Variants in DRICH1 observed in about 807,000 individuals in gnomAD.
The protein encoded by DRICH1 is aspartate rich 1, also known as aspartate-rich protein 1.
A neutral mutation model predicts 39.5 loss-of-function variants in DRICH1; 38 were observed. That is an observed-to-expected ratio of 0.96 (90% CI 0.74 to 1.26). The LOEUF (loss-of-function observed/expected upper bound fraction) is 1.26, where lower values mean the gene tolerates loss of function less well. Ranked by LOEUF, DRICH1 falls within the 50% of genes most tolerant of loss-of-function variation. The pLI is 0.00. For synonymous variants in DRICH1, 84 were observed against 99.5 expected (o/e 0.84, Z 0.93); for missense variants, 279 against 270.4 (o/e 1.03, Z -0.22).
At chr22:23,627,094 C>T (rs535476754) in intron 1 of DRICH1, among the ~76,000 whole-genome samples, 44 of 130,532 alleles carry the variant, frequency 3.4e-4, no homozygotes, top group Admixed American at 3.3e-3. Flanking sequence ...TTTTTTGAGA[C>T]GGAGTTTCAC....
chr22:23,616,310 A>G (rs2123772117), intron 8 of DRICH1, among the ~76,000 whole-genome samples: 2 of 152,346 alleles, frequency 1.3e-5, no homozygotes, highest in Middle Eastern at 3.4e-3. Flanking sequence ...TCATCTGTAA[A>G]TAATAAAGTA....
At chr22:23,597,120 A>C in the DRICH1 span, among the ~76,000 whole-genome samples, 1 of 136,852 alleles carries the variant, frequency 7.3e-6, no homozygotes, top group Admixed American at 7.2e-5. Flanking sequence ...AATAACTTTC[A>C]TTGACTGACC....
At chr22:23,597,502 C>A in the DRICH1 span, among the ~76,000 whole-genome samples, 489 of 106,006 alleles carry the variant, frequency 4.6e-3, 1 homozygote, top group Admixed American at 5.6e-3. Flanking sequence ...GACCCTGTCT[C>A]AAAAAAAAAA....
chr22:23,632,389 A>G, upstream of DRICH1: 1 of 302,284 alleles, frequency 3.3e-6, no homozygotes. Context: ...TTACCAGGAA[A>G]CAGCCAGGTC....
At chr22:23,613,704 T>C in intron 9 of DRICH1, 44 bp from the exon 10 acceptor site, 1 of 1,441,666 alleles carries the variant, frequency 6.9e-7, no homozygotes, top group African/African-American at 1.4e-5. Context: ...CAGATTCTGC[T>C]GTGCGCTTCA....
downstream of DRICH1, among the ~76,000 whole-genome samples, chr22:23,607,538 C>CA (rs776910192): frequency 1.7e-4 from 25 of 147,522 alleles, no homozygotes; most frequent in South Asian, 6.5e-4. Flanking sequence ...CTGGCGGGGG[C>CA]GGGGGGGGGC....
At chr22:23,628,838 C>G (rs749497029) in intron 1 of DRICH1, among the ~76,000 whole-genome samples, 1 of 152,076 alleles carries the variant, frequency 6.6e-6, no homozygotes, top group African/African-American at 2.4e-5. Flanking sequence ...CCAGTGTCAA[C>G]GGCCATCATC....
the DRICH1 span, among the ~76,000 whole-genome samples, chr22:23,582,005 A>G: frequency 2.0e-5 from 3 of 148,652 alleles, no homozygotes; most frequent in Non-Finnish European, 4.5e-5. Flanking sequence ...CTTTTTTCAG[A>G]GTCTTGCTCT....
chr22:23,581,979 C>T, the DRICH1 span, among the ~76,000 whole-genome samples: 1 of 151,796 alleles, frequency 6.6e-6, no homozygotes, highest in East Asian at 1.9e-4. Context: ...TCACCACCAT[C>T]CATTTCTAGA....
chr22:23,625,214 T>C (rs944886813), intron 2 of DRICH1, among the ~76,000 whole-genome samples: 5 of 152,180 alleles, frequency 3.3e-5, no homozygotes, highest in African/African-American at 7.2e-5. Flanking sequence ...AACATCCTAG[T>C]GTGTCATGTA....
At chr22:23,599,047 C>T in the DRICH1 span, among the ~76,000 whole-genome samples, 7 of 152,246 alleles carry the variant, frequency 4.6e-5, no homozygotes, top group African/African-American at 1.7e-4. Context: ...CCACAGAATC[C>T]ATGAGTGGCT....
chr22:23,588,727 G>A, the DRICH1 span, among the ~76,000 whole-genome samples: 43,863 of 152,004 alleles, frequency 0.29, 6,735 homozygotes, highest in East Asian at 0.35. Flanking sequence ...GCCTCCAACC[G>A]AACAGGCCTG....
intron 11 of DRICH1, among the ~76,000 whole-genome samples, chr22:23,612,713 A>G (rs1029756609): frequency 2.0e-5 from 3 of 152,106 alleles, no homozygotes; most frequent in Admixed American, 2.0e-4. Context: ...CTCCCCTCAA[A>G]GGAGACTGGA....
chr22:23,594,981 C>T, the DRICH1 span, among the ~76,000 whole-genome samples: 15 of 146,858 alleles, frequency 1.0e-4, no homozygotes, highest in Non-Finnish European at 2.0e-4. Flanking sequence ...CCCAGGAAAC[C>T]CTAACTGGGG....
chr22:23,617,079 T>G (rs1927399495), intron 7 of DRICH1, among the ~76,000 whole-genome samples: 2 of 152,218 alleles, frequency 1.3e-5, no homozygotes. Flanking sequence ...GAAGTTGATT[T>G]AGATTGGTAA....
chr22:23,590,058 T>G, the DRICH1 span, among the ~76,000 whole-genome samples: 1 of 152,078 alleles, frequency 6.6e-6, no homozygotes, highest in Non-Finnish European at 1.5e-5. Context: ...CTTGTGGAAT[T>G]GGTCGAAGGT....
chr22:23,582,721 T>C, the DRICH1 span, among the ~76,000 whole-genome samples: 12 of 151,888 alleles, frequency 7.9e-5, no homozygotes, highest in Non-Finnish European at 1.6e-4. Flanking sequence ...CCCGCCATCA[T>C]GCTAAATTTT....
Position 23,632,098 on chromosome 22 carries a change from C to T in DRICH1, c.-75G>A, listed in dbSNP as rs1921000521. On this transcript the variant is annotated 5_prime_UTR_variant, in exon 1 of 12. The change creates a new upstream start codon in the 5' untranslated region. Coordinates refer to ENST00000317749, the MANE Select transcript of DRICH1 (RefSeq NM_016449.4). Reference sequence around the variant, plus strand: ...TAACTGTGCTGCCCTAGCAGCCACACTACTGAGGGTGGCCCTGCACTTTTA... The same window carrying T: ...TAACTGTGCTGCCCTAGCAGCCACATTACTGAGGGTGGCCCTGCACTTTTA... The T allele has an allele frequency of 3.8e-6, 6 of 1,590,300 alleles. No individual in the cohort carries two copies. Among genetic ancestry groups the T allele is most frequent in the Non-Finnish European group, 5.1e-6 (6 of 1,167,990 alleles).
chr22:23,613,377 A>C, intron 10 of DRICH1, 47 bp from the exon 11 acceptor site: 2 of 1,477,378 alleles, frequency 1.4e-6, no homozygotes, highest in Non-Finnish European at 1.9e-6. Context: ...AGAGTGACTC[A>C]CCCACTCCTC....
Sources: allele counts gnomAD v4.1 joint callset (sites outside exome capture counted in the v4.1 genomes callset), GRCh38; gene constraint gnomAD v4.1.1; transcripts MANE v1.5; gene names NCBI Gene and HGNC (gene_info 2026-07-23, HGNC 2026-07-21).